Variants in NDUFA13 observed in about 807,000 individuals in gnomAD.
NDUFA13 encodes the protein NADH dehydrogenase [ubiquinone] 1 alpha subcomplex subunit 13.
A neutral mutation model predicts 17.0 loss-of-function variants in NDUFA13; 16 were observed. The ratio of observed to expected loss-of-function variants is 0.94; its 90% CI spans 0.64 to 1.43. The LOEUF (loss-of-function observed/expected upper bound fraction) is 1.43. NDUFA13 is among the 40% of genes most tolerant of loss of function. NDUFA13 has a pLI of 0.00. For missense variants in NDUFA13, 228 were observed against 206.7 expected (o/e 1.10, Z -0.63); for synonymous variants, 87 against 78.4 (o/e 1.11, Z -0.58).
intron 1 of NDUFA13, among the ~76,000 whole-genome samples, chr19:19,522,902 T>C (rs1382705670): frequency 6.6e-6 from 1 of 152,228 alleles, no homozygotes; most frequent in East Asian, 1.9e-4. Context: ...CCCATTGAAT[T>C]ATCTTGGCAC....
intron 1 of NDUFA13, among the ~76,000 whole-genome samples, chr19:19,522,031 A>G (rs1410359511): frequency 6.6e-6 from 1 of 152,088 alleles, no homozygotes; most frequent in African/African-American, 2.4e-5. Flanking sequence ...CGGGCTGGGC[A>G]CGGTGGCTCA....
intron 1 of NDUFA13, among the ~76,000 whole-genome samples, chr19:19,520,699 A>G (rs1003107443): frequency 6.6e-6 from 1 of 152,200 alleles, no homozygotes; most frequent in Non-Finnish European, 1.5e-5. Flanking sequence ...ACAAAGTTGT[A>G]TGGCCATTGC....
Position 19,516,410 on chromosome 19 carries a change from G to A in NDUFA13, c.94+78G>A, listed in dbSNP as rs1448697900. On this transcript the variant is annotated intron_variant, in intron 1 of 4. Transcript: ENST00000507754. ...GGCGGGGTTCCGGGGACACAGGCGG[G>A]CCTCAGTTTTCCCGGCGGTGTGACC... 4.7e-6 allele frequency: 7 copies of A among 1,503,698 alleles called. No homozygotes were observed. In the African/African-American group the frequency reaches 8.3e-5, roughly 18 times the overall value. The allele number at this position is 1,503,698 out of a possible 1,614,324, so 93.1% of individuals were successfully genotyped here.
chr19:19,517,829 C>T (rs1417778625), intron 1 of NDUFA13, among the ~76,000 whole-genome samples: 7 of 152,074 alleles, frequency 4.6e-5, no homozygotes. Context: ...GGCCAACCTC[C>T]TCTTGTTTTT....
At chr19:19,521,026 A>C (rs758428320) in intron 1 of NDUFA13, among the ~76,000 whole-genome samples, 1 of 152,122 alleles carries the variant, frequency 6.6e-6, no homozygotes, top group Non-Finnish European at 1.5e-5. Flanking sequence ...GTAGATTTTC[A>C]TTTTTCCCTT....
intron 3 of NDUFA13, 58 bp downstream of exon 3, chr19:19,527,410 G>T: frequency 1.3e-6 from 2 of 1,584,712 alleles, no homozygotes; most frequent in Admixed American, 1.7e-5. Flanking sequence ...CAGGCTGCAG[G>T]GCCTGACCTG....
chr19:19,516,820 T>C (rs558715692), intron 1 of NDUFA13, among the ~76,000 whole-genome samples: 1 of 152,254 alleles, frequency 6.6e-6, no homozygotes, highest in Non-Finnish European at 1.5e-5. Context: ...GGAGTTTTGC[T>C]CTTGTTGCCC....
intron 1 of NDUFA13, among the ~76,000 whole-genome samples, chr19:19,518,439 T>A (rs573087478): frequency 2.0e-4 from 30 of 152,186 alleles, no homozygotes; most frequent in African/African-American, 7.0e-4. Context: ...TTCACCATAT[T>A]GGTCAGACTG....
chr19:19,527,642 A>G, intron 3 of NDUFA13, 59 bp from the exon 4 acceptor site: 2 of 1,372,978 alleles, frequency 1.5e-6, no homozygotes, highest in Non-Finnish European at 2.0e-6. Context: ...TAGGGGCCCT[A>G]GGCAGGGGCC....
Position 19,527,284 on chromosome 19 carries a change from C to T in NDUFA13, c.177C>T (p.Arg59=). The change falls in exon 3 of 5, where the codon CGC becomes CGT. Residue 59 remains arginine, a synonymous_variant. Coordinates refer to ENST00000507754, the MANE Select transcript of NDUFA13 (RefSeq NM_015965.7). ...SIMKWNRERR[R]LQIEDFEARI... Reference sequence around the variant, plus strand: ...TGTGGGTTTCGGGCTTTCACAGGCGCCTACAAATCGAGGACTTCGAGGCTC... The same window carrying T: ...TGTGGGTTTCGGGCTTTCACAGGCGTCTACAAATCGAGGACTTCGAGGCTC... The T allele has an allele frequency of 6.2e-7, 1 of 1,613,970 alleles. No homozygotes were observed. Among genetic ancestry groups the T allele is most frequent in the Non-Finnish European group, 8.5e-7 (1 of 1,180,010 alleles).
chr19:19,522,640 G>A (rs939413030), intron 1 of NDUFA13, among the ~76,000 whole-genome samples: 8 of 151,740 alleles, frequency 5.3e-5, no homozygotes, highest in African/African-American at 1.9e-4. Context: ...CACCACGCCC[G>A]GCTAATTTTT....
intron 1 of NDUFA13, among the ~76,000 whole-genome samples, chr19:19,524,955 T>C (rs2061093790): frequency 1.3e-5 from 2 of 152,126 alleles, no homozygotes; most frequent in Non-Finnish European, 2.9e-5. Flanking sequence ...AAGGATCACT[T>C]GAACCCAGGA....
At chr19:19,527,971 G>A in intron 4 of NDUFA13, 36 bp from the exon 5 acceptor site, 1 of 1,605,372 alleles carries the variant, frequency 6.2e-7, no homozygotes, top group Admixed American at 1.7e-5. Context: ...GTATATGGGT[G>A]GCTGTGCCTC....
chr19:19,527,142 C>A, intron 2 of NDUFA13, 139 bp from the exon 3 acceptor site: 1 of 940,226 alleles, frequency 1.1e-6, no homozygotes, highest in African/African-American at 1.6e-5. Context: ...TTCCCGCGAC[C>A]CTCGCCCTGC....
intron 2 of NDUFA13, 142 bp from the exon 3 acceptor site, chr19:19,527,139 G>A: frequency 3.3e-6 from 3 of 921,072 alleles, no homozygotes; most frequent in South Asian, 2.9e-5. Flanking sequence ...CCCTTCCCGC[G>A]ACCCTCGCCC....
intron 1 of NDUFA13, among the ~76,000 whole-genome samples, chr19:19,522,254 G>A (rs958519732): frequency 6.6e-6 from 1 of 151,810 alleles, no homozygotes; most frequent in African/African-American, 2.4e-5. Context: ...GCAGTGAGCC[G>A]AGATTGTGCC....
chr19:19,527,904 T>G, intron 4 of NDUFA13, 103 bp from the exon 5 acceptor site: 2 of 1,504,516 alleles, frequency 1.3e-6, no homozygotes. Context: ...AAGGGAAGGC[T>G]GTAGCGCCTG....
chr19:19,522,082 A>G (rs561222827), intron 1 of NDUFA13, among the ~76,000 whole-genome samples: 1 of 152,090 alleles, frequency 6.6e-6, no homozygotes, highest in Non-Finnish European at 1.5e-5. Context: ...AGGCAGGTGG[A>G]TCACTTGAGG....
chr19:19,520,690 C>T (rs2061072852), intron 1 of NDUFA13, among the ~76,000 whole-genome samples: 2 of 152,132 alleles, frequency 1.3e-5, no homozygotes, highest in African/African-American at 4.8e-5. Context: ...AGTATATTCA[C>T]AAAGTTGTAT....
Sources: gnomAD v4.1 joint callset for allele counts (sites outside exome capture counted in the v4.1 genomes callset) on GRCh38, gnomAD v4.1.1 for gene constraint, MANE v1.5 for transcripts, NCBI Gene and HGNC (gene_info 2026-07-23, HGNC 2026-07-21) for gene names.